CNTN1: variants seen among roughly 807,000 people sequenced by gnomAD.
CNTN1 encodes the protein contactin-1.
A neutral mutation model predicts 126.4 loss-of-function variants in CNTN1; 38 were observed. That is an observed-to-expected ratio of 0.30 (90% CI 0.23 to 0.39). CNTN1 has a LOEUF of 0.39. Ranked by LOEUF, CNTN1 falls within the 10% of genes least tolerant of loss-of-function variation. The pLI is 1.00. For missense variants in CNTN1, 1,009 were observed against 1,248.4 expected (o/e 0.81, Z 2.89); for synonymous variants, 413 against 422.6 (o/e 0.98, Z 0.28).
chr12:41,065,094 C>T (rs1037648502), intron 23 of CNTN1, among the ~76,000 whole-genome samples: 2 of 152,082 alleles, frequency 1.3e-5, no homozygotes, highest in Admixed American at 1.3e-4. Flanking sequence ...CTCGCTCTGT[C>T]GCCCGGGCTG....
chr12:40,795,621 T>G (rs1460656520), intron 1 of CNTN1, among the ~76,000 whole-genome samples: 2 of 152,064 alleles, frequency 1.3e-5, no homozygotes, highest in Non-Finnish European at 1.5e-5. Context: ...ATTGTTTCTC[T>G]TAAAAACTAA....
intron 21 of CNTN1, among the ~76,000 whole-genome samples, chr12:41,026,119 T>C (rs1025980221): frequency 6.6e-6 from 1 of 152,198 alleles, no homozygotes; most frequent in African/African-American, 2.4e-5. Flanking sequence ...TGACAATAGA[T>C]AAATTACCTA....
At chr12:40,753,138 C>T (rs776715525) in intron 1 of CNTN1, among the ~76,000 whole-genome samples, 1 of 152,124 alleles carries the variant, frequency 6.6e-6, no homozygotes, top group Non-Finnish European at 1.5e-5. Flanking sequence ...TACTCTGAAG[C>T]TCTAGTAATT....
intron 14 of CNTN1, among the ~76,000 whole-genome samples, chr12:40,957,159 T>A (rs1946915601): frequency 1.3e-5 from 2 of 150,838 alleles, no homozygotes; most frequent in African/African-American, 4.9e-5. Flanking sequence ...GAGTAAGAAA[T>A]GAAGAAATGG....
At chr12:40,763,693 G>A (rs1938955822) in intron 1 of CNTN1, among the ~76,000 whole-genome samples, 1 of 152,174 alleles carries the variant, frequency 6.6e-6, no homozygotes, top group Admixed American at 6.5e-5. Context: ...AGAATAAAAT[G>A]AGGAAAACAA....
intron 19 of CNTN1, 28 bp downstream of exon 19, chr12:41,016,944 G>T: frequency 6.4e-7 from 1 of 1,562,858 alleles, no homozygotes; most frequent in South Asian, 1.1e-5. Context: ...CTTCTTACCT[G>T]AGGAGGGAGG....
chr12:40,832,217 G>A (rs1252304074), intron 1 of CNTN1, among the ~76,000 whole-genome samples: 1 of 152,100 alleles, frequency 6.6e-6, no homozygotes, highest in Non-Finnish European at 1.5e-5. Flanking sequence ...TAAATTCTCA[G>A]CATTTCTTTT....
chr12:40,973,390 G>A (rs1470308213), intron 15 of CNTN1, among the ~76,000 whole-genome samples: 1 of 152,054 alleles, frequency 6.6e-6, no homozygotes, highest in Non-Finnish European at 1.5e-5. Context: ...CCTTGGCGAA[G>A]AAGATGTCTC....
chr12:40,796,789 G>A (rs1168836202), intron 1 of CNTN1, among the ~76,000 whole-genome samples: 1 of 152,054 alleles, frequency 6.6e-6, no homozygotes, highest in African/African-American at 2.4e-5. Context: ...AGTCAGAACG[G>A]TAACACCACA....
intron 1 of CNTN1, among the ~76,000 whole-genome samples, chr12:40,899,808 A>G (rs1243925893): frequency 6.6e-6 from 1 of 152,186 alleles, no homozygotes; most frequent in African/African-American, 2.4e-5. Context: ...AGTGCTGTTA[A>G]TGTAGGTGGC....
intron 1 of CNTN1, among the ~76,000 whole-genome samples, chr12:40,761,252 TACTC>T (rs1451507168): frequency 1.3e-5 from 2 of 152,080 alleles, no homozygotes; most frequent in Non-Finnish European, 2.9e-5. Flanking sequence ...TAGAAAAACA[TACTC>T]AGTAATTTAG....
intron 1 of CNTN1, among the ~76,000 whole-genome samples, chr12:40,773,663 A>G (rs1378818846): frequency 2.6e-4 from 2 of 7,556 alleles, no homozygotes; most frequent in Non-Finnish European, 8.3e-4. Flanking sequence ...ATACACATAT[A>G]TATATATATA....
At chr12:40,882,195 A>C (rs1230088395) in intron 1 of CNTN1, among the ~76,000 whole-genome samples, 1 of 151,702 alleles carries the variant, frequency 6.6e-6, no homozygotes, top group African/African-American at 2.4e-5. Flanking sequence ...GCAACAAAAG[A>C]AGTATCAGGA....
At chr12:41,042,681 T>C (rs1274944780) in intron 23 of CNTN1, among the ~76,000 whole-genome samples, 1 of 152,048 alleles carries the variant, frequency 6.6e-6, no homozygotes, top group Non-Finnish European at 1.5e-5. Context: ...AAAAAGAGCC[T>C]GCATTGCCAA....
chr12:41,044,017 G>A (rs1265916599), intron 23 of CNTN1, among the ~76,000 whole-genome samples: 1 of 99,836 alleles, frequency 1.0e-5, no homozygotes, highest in African/African-American at 3.9e-5. Flanking sequence ...GGGGAGGGGG[G>A]TGGGATAGCA....
At chr12:40,831,556 GA>G (rs1354760764) in intron 1 of CNTN1, among the ~76,000 whole-genome samples, 2 of 152,102 alleles carry the variant, frequency 1.3e-5, no homozygotes, top group Non-Finnish European at 2.9e-5. Context: ...TGTTTTCCCT[GA>G]GTAATTAACA....
At chr12:40,985,074 T>C (rs1566091267) in intron 16 of CNTN1, among the ~76,000 whole-genome samples, 1 of 152,070 alleles carries the variant, frequency 6.6e-6, no homozygotes, top group African/African-American at 2.4e-5. Context: ...GTAAGATAAG[T>C]CTTTTACTAA....
At chr12:41,038,856 A>G (rs1949330387) in intron 23 of CNTN1, among the ~76,000 whole-genome samples, 1 of 151,904 alleles carries the variant, frequency 6.6e-6, no homozygotes, top group Non-Finnish European at 1.5e-5. Flanking sequence ...GTTTTCACTA[A>G]GAGTGCAGGG....
chr12:40,871,329 T>A (rs1385535776), intron 1 of CNTN1, among the ~76,000 whole-genome samples: 3 of 152,064 alleles, frequency 2.0e-5, no homozygotes, highest in Non-Finnish European at 2.9e-5. Context: ...AATACCTAAT[T>A]GCAATAAGTT....
Sources: allele counts gnomAD v4.1 joint callset (sites outside exome capture counted in the v4.1 genomes callset), GRCh38; gene constraint gnomAD v4.1.1; transcripts MANE v1.5; gene names NCBI Gene and HGNC (gene_info 2026-07-23, HGNC 2026-07-21).